The following FER variants were observed in gnomAD, a reference collection of about 807,000 sequenced individuals.
FER encodes the protein tyrosine-protein kinase Fer.
In FER, 63 loss-of-function variants were observed where a neutral mutation model predicts 111.0. That is an observed-to-expected ratio of 0.57 (90% CI 0.46 to 0.70). The LOEUF is 0.70. Ranked by LOEUF, FER falls within the 30% of genes least tolerant of loss-of-function variation. The probability of loss-of-function intolerance (pLI) is 0.00; values close to 1 mark genes in which losing one functional copy is unlikely to be tolerated. For missense variants in FER, 914 were observed against 954.0 expected (o/e 0.96, Z 0.55); for synonymous variants, 327 against 313.9 (o/e 1.04, Z -0.44).
chr5:109,144,317 G>T (rs369354882), intron 17 of FER, among the ~76,000 whole-genome samples: 1 of 152,156 alleles, frequency 6.6e-6, no homozygotes. Flanking sequence ...TATTTAACAA[G>T]TACCAACTGG....
intron 1 of FER, among the ~76,000 whole-genome samples, chr5:108,767,160 T>C (rs1752411507): frequency 1.3e-5 from 2 of 151,960 alleles, no homozygotes; most frequent in African/African-American, 4.8e-5. Context: ...AAGAATCAGC[T>C]GGGCGTGGTG....
At chr5:109,154,576 T>C (rs1420414850) in intron 17 of FER, among the ~76,000 whole-genome samples, 1 of 151,916 alleles carries the variant, frequency 6.6e-6, no homozygotes, top group Non-Finnish European at 1.5e-5. Flanking sequence ...ACTATTAACA[T>C]TTAGATAAAG....
rs745643245 is a variant in FER, at chr5:109,044,822, T to C, written c.1829+27T>C. On this transcript the variant is annotated intron_variant, in intron 15 of 19. Coordinates refer to ENST00000281092, the MANE Select transcript of FER (RefSeq NM_005246.4). ...TGAGTTATTTAAAGTAATCAAAATA[T>C]GTATTTATTATGTAAATTATTTATT... is the stretch of plus-strand genomic sequence containing the variant. 2.7e-6 allele frequency: 3 copies of C among 1,092,282 alleles called. No homozygotes were observed. The East Asian group carries it at 7.3e-5, about 27-fold the overall frequency. 67.7% of individuals were successfully genotyped at this position (1,092,282 alleles called of 1,614,324 possible).
chr5:109,144,797 C>A (rs192424722), intron 17 of FER, among the ~76,000 whole-genome samples: 1 of 151,932 alleles, frequency 6.6e-6, no homozygotes, highest in African/African-American at 2.4e-5. Flanking sequence ...AAGAAAGGAA[C>A]CTTAGGAGAT....
intron 5 of FER, among the ~76,000 whole-genome samples, chr5:108,855,034 C>T (rs1762867383): frequency 6.7e-6 from 1 of 149,732 alleles, no homozygotes; most frequent in East Asian, 2.0e-4. Flanking sequence ...AAGACTGATT[C>T]CAAGATTTTT....
At chr5:109,003,932 A>G (rs908943297) in intron 13 of FER, among the ~76,000 whole-genome samples, 5 of 152,212 alleles carry the variant, frequency 3.3e-5, no homozygotes, top group African/African-American at 1.2e-4. Context: ...GTGAGCTGTG[A>G]TCATGCCACT....
intron 9 of FER, among the ~76,000 whole-genome samples, chr5:108,886,900 A>G (rs1156237749): frequency 6.6e-6 from 1 of 151,712 alleles, no homozygotes; most frequent in African/African-American, 2.4e-5. Context: ...ATTATATGTT[A>G]ACATATTTTG....
At chr5:109,011,859 A>T (rs1766315416) in intron 13 of FER, among the ~76,000 whole-genome samples, 1 of 152,214 alleles carries the variant, frequency 6.6e-6, no homozygotes, top group African/African-American at 2.4e-5. Flanking sequence ...TGGAAATCTA[A>T]TGTAACTAGT....
intron 2 of FER, among the ~76,000 whole-genome samples, chr5:108,794,526 A>ACCCCCCCCCCCCCC (rs138716410): frequency 1.4e-4 from 15 of 106,350 alleles, no homozygotes; most frequent in African/African-American, 1.9e-4. Context: ...CCCCCTCCGC[A>ACCCCCCCCCCCCCC]CCCCCCCCCC....
chr5:108,990,826 C>T (rs1313442161), intron 13 of FER, among the ~76,000 whole-genome samples: 3 of 151,634 alleles, frequency 2.0e-5, no homozygotes. Context: ...AGATTCTCTA[C>T]CCAAATATAG....
In FER at chr5:108,771,797, C is replaced by G. The variant is rs183260455; in HGVS notation, c.-60+3559C>G. Among the ~76,000 whole-genome samples the G allele has an allele frequency of 2.6e-5, 4 of 152,176 alleles. No homozygotes were observed. The East Asian group carries it at 7.7e-4, about 29-fold the overall frequency. On this transcript the variant is annotated intron_variant, in intron 2 of 19. Transcript: ENST00000281092. The stretch of plus-strand genomic sequence containing the variant: ...TTAAAGACATCATGATAACTTAAAA[C>G]TTTTAGCATGCAGATCCTGAGAACA...
intron 13 of FER, among the ~76,000 whole-genome samples, chr5:109,005,389 A>G (rs1166632355): frequency 6.6e-6 from 1 of 150,456 alleles, no homozygotes; most frequent in Admixed American, 6.6e-5. Context: ...GTGTGTGTGT[A>G]TTTCTCTGTA....
rs1435693827 is a variant in FER at position 109,194,056 on chromosome 5, G to A, written c.*6481G>A. On this transcript the variant is annotated 3_prime_UTR_variant, in exon 20 of 20. Coordinates refer to ENST00000281092, the MANE Select transcript of FER (RefSeq NM_005246.4). The stretch of plus-strand genomic sequence containing the variant: ...AGATTTCTGTGAGTAGAGGTATCCT[G>A]GGAGGTATCCTGGGAGGCAGCCTAT... The A allele has an allele frequency of 6.6e-6, 1 of 152,030 alleles. No individual in the cohort carries two copies. The highest frequency in any genetic ancestry group is 2.4e-5 in the African/African-American group (1 of 41,416). 9.4% of individuals were successfully genotyped at this position (152,030 alleles called of 1,614,324 possible).
At chr5:108,940,677 G>A (rs534378214) in intron 10 of FER, among the ~76,000 whole-genome samples, 2 of 152,156 alleles carry the variant, frequency 1.3e-5, no homozygotes, top group Admixed American at 6.6e-5. Context: ...AACCCACAGA[G>A]CGAAGCACTA....
intron 16 of FER, among the ~76,000 whole-genome samples, chr5:109,069,132 T>G (rs1309879638): frequency 2.0e-5 from 3 of 152,140 alleles, no homozygotes; most frequent in South Asian, 2.1e-4. Flanking sequence ...TTGCAAATAT[T>G]AAACCTTTAG....
intron 17 of FER, among the ~76,000 whole-genome samples, chr5:109,101,244 A>C (rs541170421): frequency 6.6e-6 from 1 of 152,096 alleles, no homozygotes; most frequent in Admixed American, 6.6e-5. Context: ...AAGCACAATG[A>C]AGTGGAGAAC....
intron 16 of FER, among the ~76,000 whole-genome samples, chr5:109,094,456 G>A (rs1016544675): frequency 5.9e-5 from 9 of 151,994 alleles, no homozygotes; most frequent in African/African-American, 9.7e-5. Flanking sequence ...TGGAATGCTC[G>A]ACCAATCTGT....
At chr5:108,887,488 CT>C (rs2150299399) in intron 9 of FER, among the ~76,000 whole-genome samples, 1 of 151,402 alleles carries the variant, frequency 6.6e-6, no homozygotes, top group East Asian at 1.9e-4. Context: ...TAATGCAGGT[CT>C]TAGTTGAAAT....
chr5:108,951,085 A>C (rs913040267), intron 11 of FER, among the ~76,000 whole-genome samples: 2 of 152,060 alleles, frequency 1.3e-5, no homozygotes, highest in African/African-American at 4.8e-5. Flanking sequence ...ACTGGCCAAC[A>C]TGGTGAAACC....
Sources: allele counts gnomAD v4.1 joint callset (sites outside exome capture counted in the v4.1 genomes callset), GRCh38; gene constraint gnomAD v4.1.1; transcripts MANE v1.5; gene names NCBI Gene and HGNC (gene_info 2026-07-23, HGNC 2026-07-21).